Variants in DYNC2I2 observed in about 807,000 individuals in gnomAD.
The protein encoded by DYNC2I2 is dynein 2 intermediate chain 2.
DYNC2I2 carries 39 observed loss-of-function variants against 52.0 expected under a neutral mutation model. That is an observed-to-expected ratio of 0.75 (90% CI 0.58 to 0.98). The LOEUF (loss-of-function observed/expected upper bound fraction) is 0.98. Ranked by LOEUF, DYNC2I2 falls within the 50% of genes least tolerant of loss-of-function variation. The pLI is 0.00. For synonymous variants in DYNC2I2, 359 were observed against 321.1 expected, an observed-to-expected ratio of 1.12 and a Z score of -1.26; for missense variants, 743 against 728.4, an observed-to-expected ratio of 1.02 and a Z score of -0.23.
chr9:128,653,066 TA>T lies in DYNC2I2; in HGVS notation c.186+3474del, dbSNP rs1397945744. Among the ~76,000 whole-genome samples, 5 of 144,474 alleles carry T rather than the reference TA, an allele frequency of 3.5e-5. No individual in the cohort carries two copies. In the East Asian group the frequency reaches 1.1e-3, roughly 30 times the overall value. The allele number at this position is 144,474 out of a possible 152,430, so 94.8% of individuals were successfully genotyped here. A position where few individuals can be genotyped will look rare whatever the true frequency, so the allele number is the denominator to read the frequency against. ...CAGCATGGTGAAACCCTGTCTCTAC[TA>T]AAAACACAAAAATTAGCCCAATGTG... is the stretch of plus-strand genomic sequence containing the variant. On this transcript the variant is annotated intron_variant, in intron 1 of 8. Coordinates refer to ENST00000372715, the MANE Select transcript of DYNC2I2 (RefSeq NM_052844.4).
the DYNC2I2 span, among the ~76,000 whole-genome samples, chr9:128,671,748 T>C: frequency 2.7e-5 from 4 of 150,808 alleles, no homozygotes; most frequent in African/African-American, 7.3e-5. Context: ...GCCTCCTGGG[T>C]TCAAGCCATT....
the DYNC2I2 span, among the ~76,000 whole-genome samples, chr9:128,679,612 T>C: frequency 6.6e-6 from 1 of 152,044 alleles, no homozygotes; most frequent in Non-Finnish European, 1.5e-5. Flanking sequence ...TAAAGTCACA[T>C]GCCTTTATGT....
chr9:128,673,806 A>ATT, the DYNC2I2 span, among the ~76,000 whole-genome samples: 54 of 115,702 alleles, frequency 4.7e-4, no homozygotes, highest in African/African-American at 1.3e-3. Flanking sequence ...GCACCCAGCT[A>ATT]TTTTTTTTTT....
At chr9:128,665,038 TTTTTTC>T in the DYNC2I2 span, among the ~76,000 whole-genome samples, 253 of 151,540 alleles carry the variant, frequency 1.7e-3, no homozygotes, top group South Asian at 4.2e-3. Context: ...ACTGTGAATT[TTTTTTC>T]TTTTTCTTTT....
chr9:128,652,362 G>A (rs1196673422), intron 1 of DYNC2I2, among the ~76,000 whole-genome samples: 3 of 149,122 alleles, frequency 2.0e-5, no homozygotes, highest in Non-Finnish European at 2.9e-5. Flanking sequence ...AACCCAGGAG[G>A]CAGAGGTTGC....
chr9:128,656,722 G>T lies in DYNC2I2; in HGVS notation c.5C>A (p.Ala2Glu). The T allele has an allele frequency of 7.1e-7, 1 of 1,414,622 alleles. No individual in the cohort carries two copies. 87.6% of individuals were successfully genotyped at this position (1,414,622 alleles called of 1,614,324 possible). Residue 2 changes from alanine to glutamate, a missense_variant, in exon 1 of 9, where the codon GCA becomes GAA. By Grantham distance (107) the Ala-to-Glu change is moderately radical. Coordinates refer to ENST00000372715, the MANE Select transcript of DYNC2I2 (RefSeq NM_052844.4). Reference protein sequence around the residue: MATRAQPGPLSQ... With the variant: METRAQPGPLSQ... ...GAGTGGCCCCGGCTGCGCGCGGGTT[G>T]CCATGGAGACGGTTCCGCCCTCTCG...
rs1448159327 is a variant in DYNC2I2 at position 128,638,625 on chromosome 9, GTGCAAGA to G, written c.436-1605_436-1599del. ...CACACCCCGCGCACTGCTGCAGCAT[GTGCAAGA>G]GGTGCCTCTGCTGTGGAGAACAAGC... is the stretch of plus-strand genomic sequence containing the variant. On this transcript the variant is annotated intron_variant, in intron 2 of 8. Transcript: ENST00000372715. 1.5e-3 allele frequency among the ~76,000 whole-genome samples: 221 copies of G among 150,608 alleles called. 1 individual carries two copies. Among genetic ancestry groups the G allele is most frequent in the African/African-American group, 5.3e-3 (213 of 39,966 alleles).
chr9:128,657,837 G>A (rs1242444746), upstream of DYNC2I2, among the ~76,000 whole-genome samples: 1 of 151,802 alleles, frequency 6.6e-6, no homozygotes, highest in African/African-American at 2.4e-5. Context: ...AGACGAGATG[G>A]CCAGCACTTT....
rs912140434 is a variant in DYNC2I2, at chr9:128,646,212, G to GT, written c.187-5274dup. 2.0e-5 allele frequency among the ~76,000 whole-genome samples: 3 copies of GT among 152,222 alleles called. No individual in the cohort carries two copies. The East Asian group carries it at 5.8e-4, about 29-fold the overall frequency. On this transcript the variant is annotated intron_variant, in intron 1 of 8. Transcript: ENST00000372715. Reference sequence around the variant, plus strand: ...AACAATAGATTTTCTTTTTGTTGTTGTTTTTTTGTTTTTGTTGTTTTGAGA... The same window carrying GT: ...AACAATAGATTTTCTTTTTGTTGTTGTTTTTTTTGTTTTTGTTGTTTTGAGA...
the DYNC2I2 span, among the ~76,000 whole-genome samples, chr9:128,666,383 GAAAAA>G: frequency 0.061 from 2,842 of 46,760 alleles, 92 homozygotes; most frequent in African/African-American, 0.18. Context: ...CCCTGTCTCA[GAAAAA>G]AAAAAAAAAA....
the DYNC2I2 span, among the ~76,000 whole-genome samples, chr9:128,662,463 G>A: frequency 6.6e-6 from 1 of 151,816 alleles, no homozygotes; most frequent in Admixed American, 6.6e-5. Flanking sequence ...CCAGGCTGGA[G>A]TGCAATGGCG....
the DYNC2I2 span, among the ~76,000 whole-genome samples, chr9:128,677,216 C>CA: frequency 3.2e-3 from 431 of 135,096 alleles, 7 homozygotes; most frequent in East Asian, 0.035. Flanking sequence ...AACTCTGTCT[C>CA]AAAAAAAAAA....
At chr9:128,659,583 T>C (rs995970329), upstream of DYNC2I2, among the ~76,000 whole-genome samples, 7 of 150,132 alleles carry the variant, frequency 4.7e-5, no homozygotes, top group African/African-American at 1.2e-4. Context: ...CTGGGAAACA[T>C]AGGGACACCT....
intron 1 of DYNC2I2, among the ~76,000 whole-genome samples, chr9:128,647,028 G>C (rs1860628649): frequency 6.6e-6 from 1 of 152,192 alleles, no homozygotes; most frequent in Non-Finnish European, 1.5e-5. Flanking sequence ...GGGAGGCAGA[G>C]GCAGAAGAAT....
At chr9:128,642,183 AGGCTG>A in intron 1 of DYNC2I2, among the ~76,000 whole-genome samples, 1 of 150,430 alleles carries the variant, frequency 6.6e-6, no homozygotes, top group South Asian at 2.1e-4. Context: ...GCTACTCGGG[AGGCTG>A]AGGCAGGAGA....
In DYNC2I2 at chr9:128,656,682, G is replaced by A. The variant is rs1252687279; in HGVS notation, c.45C>T (p.Ser15=). The change falls in exon 1 of 9, where the codon AGC becomes AGT. Residue 15 remains serine, a synonymous_variant. Transcript: ENST00000372715. Reference sequence around the variant, plus strand: ...CTGTCGCCAGCGCCGCAACACCAGCGCTTCCCGCCTGGCTGAGTGGCCCCG... The same window carrying A: ...CTGTCGCCAGCGCCGCAACACCAGCACTTCCCGCCTGGCTGAGTGGCCCCG... ...AQPGPLSQAG[S]AGVAALATVG... 4.0e-6 allele frequency: 6 copies of A among 1,498,182 alleles called. No individual in the cohort carries two copies. Among genetic ancestry groups the A allele is most frequent in the Non-Finnish European group, 5.3e-6 (6 of 1,134,434 alleles). The allele number at this position is 1,498,182 out of a possible 1,614,324, so 92.8% of individuals were successfully genotyped here.
chr9:128,676,532 A>ATT, the DYNC2I2 span, among the ~76,000 whole-genome samples: 11 of 134,218 alleles, frequency 8.2e-5, no homozygotes, highest in African/African-American at 3.0e-4. Context: ...ATGTGTTTGA[A>ATT]TTTTTTTTTT....
At chr9:128,660,020 T>C (rs547865999), upstream of DYNC2I2, among the ~76,000 whole-genome samples, 88 of 151,106 alleles carry the variant, frequency 5.8e-4, no homozygotes, top group African/African-American at 2.1e-3. Context: ...TGAGCCATGA[T>C]TGCGCCACTG....
intron 1 of DYNC2I2, among the ~76,000 whole-genome samples, chr9:128,652,826 G>C (rs1429057203): frequency 1.3e-5 from 2 of 150,462 alleles, no homozygotes; most frequent in African/African-American, 5.0e-5. Context: ...GCTGAGGCAG[G>C]AGAATCACTT....
Sources: gnomAD v4.1 joint callset for allele counts (sites outside exome capture counted in the v4.1 genomes callset) on GRCh38, gnomAD v4.1.1 for gene constraint, MANE v1.5 for transcripts, NCBI Gene and HGNC (gene_info 2026-07-23, HGNC 2026-07-21) for gene names.